The following SPMIP2 variants were observed in gnomAD, a reference collection of about 807,000 sequenced individuals.
SPMIP2 encodes the protein sperm microtubule inner protein 2.
At chr4:158,996,770 G>A in the SPMIP2 span, among the ~76,000 whole-genome samples, 1 of 152,144 alleles carries the variant, frequency 6.6e-6, no homozygotes. Context: ...ATGTTCAAGA[G>A]GGTGTGTGTA....
chr4:159,001,577 A>T, the SPMIP2 span, among the ~76,000 whole-genome samples: 2 of 152,186 alleles, frequency 1.3e-5, no homozygotes, highest in Admixed American at 6.5e-5. Flanking sequence ...GCTCCCACTT[A>T]TAAGTGAGAA....
At chr4:159,001,704 C>A in the SPMIP2 span, among the ~76,000 whole-genome samples, 2 of 152,276 alleles carry the variant, frequency 1.3e-5, no homozygotes, top group African/African-American at 4.8e-5. Context: ...GCATAGTATT[C>A]CATGTCGTAT....
At chr4:159,019,721 G>C in the SPMIP2 span, among the ~76,000 whole-genome samples, 4 of 152,182 alleles carry the variant, frequency 2.6e-5, no homozygotes, top group Admixed American at 6.5e-5. Flanking sequence ...TTAGGCCAGA[G>C]TGTGGCTGTG....
At chr4:159,054,591 C>G in the SPMIP2 span, among the ~76,000 whole-genome samples, 59 of 152,326 alleles carry the variant, frequency 3.9e-4, no homozygotes, top group Admixed American at 2.5e-3. Flanking sequence ...TGCTTCCCTC[C>G]TATCCCTCAG....
the SPMIP2 span, chr4:159,007,245 C>T: frequency 1.2e-5 from 17 of 1,393,108 alleles, no homozygotes; most frequent in South Asian, 1.9e-4. Flanking sequence ...AAATCATATA[C>T]TTGAATCAGC....
At chr4:158,924,212 C>T in the SPMIP2 span, among the ~76,000 whole-genome samples, 1 of 152,172 alleles carries the variant, frequency 6.6e-6, no homozygotes, top group Non-Finnish European at 1.5e-5. Context: ...TTGAGCCACC[C>T]AGTCTGTGGT....
the SPMIP2 span, among the ~76,000 whole-genome samples, chr4:158,940,894 G>A: frequency 6.6e-6 from 1 of 152,190 alleles, no homozygotes; most frequent in Non-Finnish European, 1.5e-5. Flanking sequence ...AAGTCCCTTA[G>A]ACAGGACTGC....
the SPMIP2 span, among the ~76,000 whole-genome samples, chr4:158,900,074 T>G: frequency 6.6e-6 from 1 of 151,890 alleles, no homozygotes. Context: ...TTCAAAGAAC[T>G]TTTATTTCTG....
chr4:159,036,579 C>A, the SPMIP2 span, among the ~76,000 whole-genome samples: 3 of 152,160 alleles, frequency 2.0e-5, no homozygotes, highest in Non-Finnish European at 4.4e-5. Flanking sequence ...ACCACCTTGC[C>A]CCCCACTTTC....
chr4:159,061,882 G>A, the SPMIP2 span, among the ~76,000 whole-genome samples: 6 of 152,192 alleles, frequency 3.9e-5, no homozygotes, highest in African/African-American at 1.2e-4. Flanking sequence ...TTCCCTCTGG[G>A]AAAACTGCGA....
At chr4:158,963,262 T>A in the SPMIP2 span, among the ~76,000 whole-genome samples, 1 of 147,246 alleles carries the variant, frequency 6.8e-6, no homozygotes, top group Non-Finnish European at 1.5e-5. Flanking sequence ...AAGGTATTAC[T>A]GTTATCCTGT....
the SPMIP2 span, among the ~76,000 whole-genome samples, chr4:158,917,210 AC>A: frequency 1.7e-3 from 261 of 152,258 alleles, no homozygotes; most frequent in African/African-American, 5.8e-3. Flanking sequence ...AGATCACACC[AC>A]TGCACTCCAG....
the SPMIP2 span, among the ~76,000 whole-genome samples, chr4:158,940,441 C>T: frequency 6.6e-6 from 1 of 152,054 alleles, no homozygotes. Flanking sequence ...CACCAAGATG[C>T]ACTAAATATC....
the SPMIP2 span, among the ~76,000 whole-genome samples, chr4:158,997,922 G>A: frequency 6.6e-6 from 1 of 152,116 alleles, no homozygotes. Context: ...CTCCCAAAGT[G>A]CTGGGATTAC....
At chr4:159,029,200 T>A in the SPMIP2 span, among the ~76,000 whole-genome samples, 1 of 152,218 alleles carries the variant, frequency 6.6e-6, no homozygotes, top group African/African-American at 2.4e-5. Flanking sequence ...CAGATAAATG[T>A]TTTAAAAGTA....
the SPMIP2 span, among the ~76,000 whole-genome samples, chr4:159,055,862 C>T: frequency 2.0e-5 from 3 of 152,212 alleles, no homozygotes; most frequent in Non-Finnish European, 2.9e-5. Flanking sequence ...GTCCTTCTTC[C>T]CTGAGGAGTG....
the SPMIP2 span, among the ~76,000 whole-genome samples, chr4:158,918,117 TC>T: frequency 6.6e-6 from 1 of 152,158 alleles, no homozygotes; most frequent in South Asian, 2.1e-4. Context: ...CCGGAGTGTA[TC>T]TCATTCGTCA....
the SPMIP2 span, chr4:159,007,126 A>G: frequency 1.5e-6 from 1 of 652,540 alleles, no homozygotes; most frequent in South Asian, 1.4e-5. Context: ...GCATATGGCC[A>G]AGCCGTGTGG....
chr4:159,007,718 G>A, the SPMIP2 span: 2 of 670,776 alleles, frequency 3.0e-6, no homozygotes, highest in East Asian at 4.3e-5. Context: ...CCTATGGGGA[G>A]CTCAGGGCCA....
Sources: gnomAD v4.1 joint callset for allele counts (sites outside exome capture counted in the v4.1 genomes callset) on GRCh38, gnomAD v4.1.1 for gene constraint, MANE v1.5 for transcripts, NCBI Gene and HGNC (gene_info 2026-07-23, HGNC 2026-07-21) for gene names.